Variants in IL1RAPL1 observed in about 807,000 individuals in gnomAD.
IL1RAPL1 encodes the protein interleukin-1 receptor accessory protein-like 1.
IL1RAPL1 carries 3 observed loss-of-function variants against 48.4 expected under a neutral mutation model. That is an observed-to-expected ratio of 0.06 (90% confidence interval 0.03 to 0.16). The LOEUF (loss-of-function observed/expected upper bound fraction) is 0.16. Among genes scored for constraint, IL1RAPL1 ranks in the 10% least tolerant of loss-of-function variants. IL1RAPL1 has a pLI of 1.00. For missense variants in IL1RAPL1, 349 were observed against 530.6 expected, an observed-to-expected ratio of 0.66 and a Z score of 3.36; for synonymous variants, 185 against 187.7, an observed-to-expected ratio of 0.99 and a Z score of 0.12.
At chrX:28,615,304 C>T (rs1259181237) in intron 1 of IL1RAPL1, among the ~76,000 whole-genome samples, 3 of 95,143 alleles carry the variant, frequency 3.2e-5, no homozygotes, top group African/African-American at 4.1e-5. Flanking sequence ...ATGTAAAGAG[C>T]TTAGTACAGT....
At chrX:28,946,341 G>A (rs1390713077) in intron 2 of IL1RAPL1, among the ~76,000 whole-genome samples, 2 of 51,462 alleles carry the variant, frequency 3.9e-5, no homozygotes, top group African/African-American at 1.0e-4. Context: ...GAAAGCAATA[G>A]GGGTAGTATT....
chrX:29,289,631 A>G (rs1214255426), intron 3 of IL1RAPL1, among the ~76,000 whole-genome samples: 1 of 112,038 alleles, frequency 8.9e-6, no homozygotes, highest in Non-Finnish European at 1.9e-5. Flanking sequence ...TTTTGATAGC[A>G]GTTTCATTAA....
intron 2 of IL1RAPL1, among the ~76,000 whole-genome samples, chrX:29,179,812 A>G (rs1930106253): frequency 9.0e-6 from 1 of 111,572 alleles, no homozygotes; most frequent in Admixed American, 9.6e-5. Context: ...GACAGTTCCT[A>G]CCTCACTGCT....
rs367704891 is a variant in IL1RAPL1, at chrX:28,690,747, ATAAT to A, written c.-24-98567_-24-98564del. Among the ~76,000 whole-genome samples, 792 of 111,671 alleles carry A rather than the reference ATAAT, an allele frequency of 7.1e-3. 11 individuals carry two copies. The highest frequency in any genetic ancestry group is 0.024 in the African/African-American group (740 of 30,707). ...ATGCATTTTGTTAGTCGAGACAAACATAATTAATTCTTGCAACTTCATTCCCTTT... is the reference window on the plus strand; with the variant it reads ...ATGCATTTTGTTAGTCGAGACAAACATAATTCTTGCAACTTCATTCCCTTT... On this transcript the variant is annotated intron_variant, in intron 1 of 10. Transcript: ENST00000378993.
At chrX:29,248,989 G>A (rs1304601211) in intron 2 of IL1RAPL1, among the ~76,000 whole-genome samples, 1 of 111,496 alleles carries the variant, frequency 9.0e-6, no homozygotes, top group African/African-American at 3.3e-5. Context: ...ATATCTATTA[G>A]TATGGAAAGA....
intron 1 of IL1RAPL1, among the ~76,000 whole-genome samples, chrX:28,619,607 CAAAAA>C (rs55856491): frequency 1.7e-5 from 1 of 57,292 alleles, no homozygotes; most frequent in Non-Finnish European, 3.3e-5. Context: ...ACCCCGTCTC[CAAAAA>C]AAAAAAAAAA....
chrX:29,531,729 T>C (rs1921047129), intron 5 of IL1RAPL1, among the ~76,000 whole-genome samples: 1 of 112,234 alleles, frequency 8.9e-6, no homozygotes, highest in Non-Finnish European at 1.9e-5. Context: ...TTAAGGCTCT[T>C]GAGGGATGAT....
At chrX:28,768,412 T>G (rs1936266011) in intron 1 of IL1RAPL1, among the ~76,000 whole-genome samples, 1 of 110,454 alleles carries the variant, frequency 9.1e-6, no homozygotes, top group Non-Finnish European at 1.9e-5. Context: ...TCACAAACCT[T>G]ATGAAGAATT....
intron 5 of IL1RAPL1, among the ~76,000 whole-genome samples, chrX:29,570,506 G>C (rs1922559206): frequency 8.9e-6 from 1 of 112,321 alleles, no homozygotes; most frequent in South Asian, 3.7e-4. Context: ...TTAAAAGTAT[G>C]GGAGTTTGAT....
chrX:29,539,037 C>G (rs7058772), intron 5 of IL1RAPL1, among the ~76,000 whole-genome samples: 1 of 110,967 alleles, frequency 9.0e-6, no homozygotes, highest in Non-Finnish European at 1.9e-5. Flanking sequence ...GGAAGCATTC[C>G]TCCGTAACTC....
chrX:29,878,158 A>T (rs1192521712), intron 6 of IL1RAPL1, among the ~76,000 whole-genome samples: 2 of 111,861 alleles, frequency 1.8e-5, no homozygotes, highest in African/African-American at 6.5e-5. Context: ...ACTGAATGCT[A>T]GCTTATGGGA....
chrX:28,612,052 C>T (rs1934153903), intron 1 of IL1RAPL1, among the ~76,000 whole-genome samples: 1 of 111,893 alleles, frequency 8.9e-6, no homozygotes, highest in African/African-American at 3.2e-5. Context: ...GCACCAGAAA[C>T]CATATATGGC....
intron 2 of IL1RAPL1, among the ~76,000 whole-genome samples, chrX:29,087,071 G>A (rs1028719340): frequency 9.0e-6 from 1 of 110,682 alleles, no homozygotes; most frequent in African/African-American, 3.3e-5. Flanking sequence ...CTAGACAGAA[G>A]CTATTAAGTA....
Position 28,779,618 on chromosome X carries a change from ATG to A in IL1RAPL1, c.-24-9686_-24-9685del, listed in dbSNP as rs753071924. Among the ~76,000 whole-genome samples, 277 of 34,816 alleles carry A rather than the reference ATG, an allele frequency of 8.0e-3. 3 individuals are homozygous for A. Among genetic ancestry groups the A allele is most frequent in the African/African-American group, 0.024 (241 of 10,097 alleles). The allele number at this position is 34,816 out of a possible 115,157, so 30.2% of individuals were successfully genotyped here. On this transcript the variant is annotated intron_variant, in intron 1 of 10. Coordinates refer to ENST00000378993, the MANE Select transcript of IL1RAPL1 (RefSeq NM_014271.4). ...TTATCAGGTACAGAGTGATACTATT[ATG>A]TGTGTGTGTGTGTGTATATATATAT...
intron 5 of IL1RAPL1, among the ~76,000 whole-genome samples, chrX:29,448,927 TTTCTTCTTA>T (rs1365469858): frequency 9.0e-6 from 1 of 111,064 alleles, no homozygotes; most frequent in East Asian, 2.8e-4. Context: ...TCTGGTATCT[TTTCTTCTTA>T]TAATGGCACC....
chrX:28,936,906 T>C (rs1217428235), intron 2 of IL1RAPL1, among the ~76,000 whole-genome samples: 1 of 111,542 alleles, frequency 9.0e-6, no homozygotes, highest in Non-Finnish European at 1.9e-5. Flanking sequence ...CCAAACTGAA[T>C]TTTCAAGACA....
At chrX:29,768,502 C>T (rs1307178817) in intron 6 of IL1RAPL1, among the ~76,000 whole-genome samples, 16 of 111,372 alleles carry the variant, frequency 1.4e-4, no homozygotes. Context: ...GTACAATGCC[C>T]GCCAGGCCAT....
At chrX:29,093,473 C>A (rs748345697) in intron 2 of IL1RAPL1, among the ~76,000 whole-genome samples, 1 of 111,342 alleles carries the variant, frequency 9.0e-6, no homozygotes, top group African/African-American at 3.3e-5. Context: ...GATTATAATT[C>A]GACATGAGAT....
chrX:29,899,200 G>A (rs1192484672), intron 6 of IL1RAPL1, among the ~76,000 whole-genome samples: 2 of 110,695 alleles, frequency 1.8e-5, no homozygotes, highest in South Asian at 7.7e-4. Context: ...ATGAGGGAGG[G>A]TAAAGGCATG....
Sources: gnomAD v4.1 joint callset for allele counts (sites outside exome capture counted in the v4.1 genomes callset) on GRCh38, gnomAD v4.1.1 for gene constraint, MANE v1.5 for transcripts, NCBI Gene and HGNC (gene_info 2026-07-23, HGNC 2026-07-21) for gene names.